Variants in TRIM37 observed in about 807,000 individuals in gnomAD.
TRIM37 encodes the protein tripartite motif containing 37.
Under a neutral mutation model 129.8 loss-of-function variants are expected in TRIM37, and 80 were observed. That is an observed-to-expected ratio of 0.62 (90% CI 0.51 to 0.74). TRIM37 has a LOEUF of 0.74. TRIM37 is among the 30% of genes least tolerant of loss of function. The probability of loss-of-function intolerance (pLI) is 0.00; values close to 1 mark genes in which losing one functional copy is unlikely to be tolerated. For synonymous variants in TRIM37, 389 were observed against 387.1 expected, an observed-to-expected ratio of 1.00 and a Z score of -0.06; for missense variants, 1,054 against 1,176.5, an observed-to-expected ratio of 0.90 and a Z score of 1.52.
chr17:59,007,508 G>A (rs550838731), intron 22 of TRIM37, among the ~76,000 whole-genome samples: 22 of 152,186 alleles, frequency 1.4e-4, no homozygotes, highest in African/African-American at 5.1e-4. Flanking sequence ...CTTTTCCCCA[G>A]ATGGTGTTTT....
chr17:59,056,947 T>TTATA lies in TRIM37; in HGVS notation c.1123_1126dup (p.Asn376IlefsTer2). The TTATA allele has an allele frequency of 6.2e-7, 1 of 1,613,848 alleles. No individual in the cohort carries two copies. Among genetic ancestry groups the TTATA allele is most frequent in the Non-Finnish European group, 8.5e-7 (1 of 1,179,904 alleles). On this transcript the variant is annotated stop_gained and frameshift_variant, in exon 13 of 24. Transcript: ENST00000262294. LOFTEE classifies it high-confidence loss of function. Reference sequence around the variant, plus strand: ...GAGTAAGTCCAAACGGAAAAATCTATTATAGCCCCAGCATTCTCCAACTTC... The same window carrying TTATA: ...GAGTAAGTCCAAACGGAAAAATCTATTATATATAGCCCCAGCATTCTCCAACTTC...
At chr17:59,070,702 C>T in intron 9 of TRIM37, 121 bp downstream of exon 9, 1 of 1,134,338 alleles carries the variant, frequency 8.8e-7, no homozygotes. Context: ...CAAGTGAGAC[C>T]CTATCTATAA....
At chr17:59,096,176 A>T (rs1174101411) in intron 2 of TRIM37, among the ~76,000 whole-genome samples, 1 of 152,194 alleles carries the variant, frequency 6.6e-6, no homozygotes, top group African/African-American at 2.4e-5. Context: ...TATATTAATT[A>T]TCTAGCATAC....
rs1461680750 is a variant in TRIM37, at chr17:59,086,031, C to T, written c.282-1942G>A. 4.0e-5 allele frequency among the ~76,000 whole-genome samples: 6 copies of T among 151,686 alleles called. No individual in the cohort carries two copies. In the East Asian group the frequency reaches 7.7e-4, roughly 20 times the overall value. On this transcript the variant is annotated intron_variant, in intron 4 of 23. Coordinates refer to ENST00000262294, the MANE Select transcript of TRIM37 (RefSeq NM_015294.6). ...CAATGGTGGCTGCCAGGGGCTGGTG[C>T]GAAGAAGGAATGGGGAGTTGTTTAA...
rs187657572 is a variant in TRIM37, at chr17:59,038,313, A to C, written c.1753+3500T>G. Among the ~76,000 whole-genome samples, 14 of 152,294 alleles carry C rather than the reference A, an allele frequency of 9.2e-5. No individual in the cohort carries two copies. In the East Asian group the frequency reaches 2.7e-3, roughly 29 times the overall value. On this transcript the variant is annotated intron_variant, in intron 17 of 23. Coordinates refer to ENST00000262294, the MANE Select transcript of TRIM37 (RefSeq NM_015294.6). ...GTCATATTCTAGCTAATTGTTCATAAATATACTCACCCTTAGGTTATAAAT... is the reference window on the plus strand; with the variant it reads ...GTCATATTCTAGCTAATTGTTCATACATATACTCACCCTTAGGTTATAAAT...
chr17:59,093,757 T>C (rs2044609429), intron 2 of TRIM37, among the ~76,000 whole-genome samples: 1 of 152,190 alleles, frequency 6.6e-6, no homozygotes, highest in South Asian at 2.1e-4. Context: ...TTTGCTTATA[T>C]GGTCCCTCCC....
intron 22 of TRIM37, among the ~76,000 whole-genome samples, chr17:59,011,787 T>C (rs1048667092): frequency 2.0e-5 from 3 of 152,214 alleles, no homozygotes; most frequent in Non-Finnish European, 4.4e-5. Context: ...AAACTTGGAA[T>C]GCTTCTTTAA....
the TRIM37 span, among the ~76,000 whole-genome samples, chr17:58,969,280 A>T: frequency 5.3e-5 from 8 of 152,212 alleles, no homozygotes; most frequent in Non-Finnish European, 7.4e-5. Flanking sequence ...AACAACTTTC[A>T]CAGAGAGAGG....
chr17:59,089,444 C>G (rs1348063330), intron 3 of TRIM37, among the ~76,000 whole-genome samples: 1 of 152,094 alleles, frequency 6.6e-6, no homozygotes, highest in Non-Finnish European at 1.5e-5. Context: ...AGATCAAGAC[C>G]ATCCTGGCCA....
At chr17:59,036,078 T>C (rs1163791391) in intron 17 of TRIM37, among the ~76,000 whole-genome samples, 1 of 152,202 alleles carries the variant, frequency 6.6e-6, no homozygotes, top group East Asian at 1.9e-4. Flanking sequence ...TGATCAGTGC[T>C]GGATTTTCAT....
Position 59,106,539 on chromosome 17 carries a change from C to T in TRIM37, c.-78G>A, listed in dbSNP as rs1321621982. 6.4e-7 allele frequency: 1 copy of T among 1,573,966 alleles called. No homozygotes were observed. Among genetic ancestry groups the T allele is most frequent in the Admixed American group, 1.7e-5 (1 of 57,672 alleles). The stretch of plus-strand genomic sequence containing the variant: ...CCTCTTAGGCGCCGGCCCGAGGTCG[C>T]CAGATCAAATCGCCGATAAAAGCCC... On this transcript the variant is annotated 5_prime_UTR_variant, in exon 1 of 24. Transcript: ENST00000262294.
chr17:59,052,452 G>T (rs999077717), intron 13 of TRIM37, among the ~76,000 whole-genome samples: 3 of 152,148 alleles, frequency 2.0e-5, no homozygotes, highest in African/African-American at 4.8e-5. Flanking sequence ...ACACCTTATT[G>T]TAAGAACCTA....
chr17:59,095,987 CTGGGACTACAGGCA>C (rs1240913125), intron 2 of TRIM37, among the ~76,000 whole-genome samples: 2 of 152,140 alleles, frequency 1.3e-5, no homozygotes, highest in African/African-American at 4.8e-5. Context: ...TCCCAACGTG[CTGGGACTACAGGCA>C]TGAGCCACTG....
intron 13 of TRIM37, among the ~76,000 whole-genome samples, chr17:59,052,517 A>G (rs1409648487): frequency 2.0e-5 from 3 of 152,226 alleles, no homozygotes; most frequent in African/African-American, 4.8e-5. Context: ...GAAGAATACT[A>G]ATGCAAGAAA....
intron 7 of TRIM37, among the ~76,000 whole-genome samples, chr17:59,078,579 G>A (rs985987920): frequency 6.6e-6 from 1 of 152,104 alleles, no homozygotes; most frequent in African/African-American, 2.4e-5. Context: ...GTCCTAATAC[G>A]TATCAACATC....
intron 4 of TRIM37, among the ~76,000 whole-genome samples, chr17:59,086,786 C>T (rs1215103368): frequency 1.3e-5 from 2 of 152,106 alleles, no homozygotes; most frequent in Non-Finnish European, 2.9e-5. Flanking sequence ...AATTAACAGC[C>T]TGTATTCACT....
rs577432475 is a variant in TRIM37, at chr17:59,053,651, T to C, written c.1200-2323A>G. Among the ~76,000 whole-genome samples the C allele has an allele frequency of 8.5e-5, 13 of 152,288 alleles. No individual in the cohort carries two copies. In the East Asian group the frequency reaches 2.5e-3, roughly 29 times the overall value. ...GAAATCAAGGCTATAAGAAAATGGG[T>C]CTTTTATAGGTTGGTAAAATTGATG... On this transcript the variant is annotated intron_variant, in intron 13 of 23. Transcript: ENST00000262294.
intron 5 of TRIM37, among the ~76,000 whole-genome samples, chr17:59,081,964 A>ATAATAATAATAATAATAAT (rs1555688977): frequency 1.1e-5 from 1 of 87,228 alleles, no homozygotes; most frequent in African/African-American, 5.1e-5. Context: ...AAAAAAAAAA[A>ATAATAATAATAATAATAAT]AATAATAATA....
intron 22 of TRIM37, among the ~76,000 whole-genome samples, chr17:59,002,832 C>A (rs2033949260): frequency 6.6e-6 from 1 of 151,934 alleles, no homozygotes. Context: ...ATGAACCCCC[C>A]ACAGAAAGGG....
Sources: allele counts gnomAD v4.1 joint callset (sites outside exome capture counted in the v4.1 genomes callset), GRCh38; gene constraint gnomAD v4.1.1; transcripts MANE v1.5; gene names NCBI Gene and HGNC (gene_info 2026-07-23, HGNC 2026-07-21).